Variants in PCDH9 observed in about 807,000 individuals in gnomAD.
PCDH9 encodes the protein protocadherin-9.
In PCDH9, 24 loss-of-function variants were observed where a neutral mutation model predicts 70.6. That is an observed-to-expected ratio of 0.34 (90% CI 0.25 to 0.48). PCDH9 has a LOEUF of 0.48. Among genes scored for constraint, PCDH9 ranks in the 20% least tolerant of loss-of-function variants. The pLI is 0.99. For synonymous variants in PCDH9, 562 were observed against 558.5 expected (o/e 1.01, Z -0.09); for missense variants, 1,281 against 1,503.6 (o/e 0.85, Z 2.45).
chr13:66,817,343 A>C, intron 3 of PCDH9, among the ~76,000 whole-genome samples: 1 of 152,086 alleles, frequency 6.6e-6, no homozygotes, highest in East Asian at 1.9e-4. Flanking sequence ...TTTATTTAGA[A>C]ATTTTAATTT....
chr13:66,889,725 A>T (rs1050288686), intron 3 of PCDH9, among the ~76,000 whole-genome samples: 8 of 152,186 alleles, frequency 5.3e-5, no homozygotes, highest in African/African-American at 1.9e-4. Flanking sequence ...AGCAGTATAG[A>T]GCCAAAATAC....
At chr13:66,939,696 G>C (rs1407038592) in intron 2 of PCDH9, among the ~76,000 whole-genome samples, 2 of 152,014 alleles carry the variant, frequency 1.3e-5, no homozygotes, top group Admixed American at 1.3e-4. Flanking sequence ...GGAATTACAG[G>C]CATGAGTCAC....
chr13:66,750,471 G>A (rs1158011414), intron 3 of PCDH9, among the ~76,000 whole-genome samples: 1 of 151,946 alleles, frequency 6.6e-6, no homozygotes, highest in African/African-American at 2.4e-5. Flanking sequence ...CCTAAAATGT[G>A]AAGTGAAACT....
At position 66,421,334 on chromosome 13, in the gene PCDH9, A is replaced by G. The variant is rs574161563; in HGVS notation, c.3341-116306T>C. ...TTCAGGAAATACAGAGAACATCACA[A>G]AGATACTTCTCGAGAAGAGCAACCG... On this transcript the variant is annotated intron_variant, in intron 4 of 4. Coordinates refer to ENST00000377865, the MANE Select transcript of PCDH9 (RefSeq NM_203487.3). Among the ~76,000 whole-genome samples, 21 of 152,252 alleles carry G rather than the reference A, an allele frequency of 1.4e-4. No homozygotes were observed. In the East Asian group the frequency reaches 3.3e-3, roughly 24 times the overall value.
chr13:67,050,380 G>A (rs1209351664), intron 2 of PCDH9, among the ~76,000 whole-genome samples: 2 of 151,970 alleles, frequency 1.3e-5, no homozygotes, highest in Non-Finnish European at 2.9e-5. Flanking sequence ...TACCATATTG[G>A]TATTTTAGTT....
chr13:66,338,532 A>G (rs1956074275), intron 4 of PCDH9, among the ~76,000 whole-genome samples: 1 of 152,088 alleles, frequency 6.6e-6, no homozygotes, highest in Non-Finnish European at 1.5e-5. Flanking sequence ...TATAAATTTA[A>G]TTAACAGTAT....
chr13:66,738,529 C>T (rs373510919), intron 3 of PCDH9, among the ~76,000 whole-genome samples: 83 of 136,216 alleles, frequency 6.1e-4, no homozygotes, highest in Admixed American at 1.5e-3. Flanking sequence ...AGGCTTCAGA[C>T]GATCAAATTA....
Position 66,791,278 on chromosome 13 carries a change from T to G in PCDH9, c.3138+112226A>C, listed in dbSNP as rs1353140345. Among the ~76,000 whole-genome samples, 3 of 152,246 alleles carry G rather than the reference T, an allele frequency of 2.0e-5. No homozygotes were observed. The East Asian group carries it at 5.8e-4, about 29-fold the overall frequency. On this transcript the variant is annotated intron_variant, in intron 3 of 4. Transcript: ENST00000377865. ...TTTAATGTTTGACAATTATTAGATATTTGAACTTATGATGAAATTTTCAAT... is the reference window on the plus strand; with the variant it reads ...TTTAATGTTTGACAATTATTAGATAGTTGAACTTATGATGAAATTTTCAAT...
chr13:66,759,586 C>T (rs2079590326), intron 3 of PCDH9, among the ~76,000 whole-genome samples: 2 of 151,248 alleles, frequency 1.3e-5, no homozygotes, highest in Non-Finnish European at 3.0e-5. Context: ...TTTCTTTCTT[C>T]CTCATTTAGT....
At chr13:66,612,218 T>A in intron 4 of PCDH9, among the ~76,000 whole-genome samples, 1 of 152,202 alleles carries the variant, frequency 6.6e-6, no homozygotes. Flanking sequence ...TCTTAAAATG[T>A]GATGTGCCAA....
At chr13:67,043,747 G>C (rs1339442471) in intron 2 of PCDH9, among the ~76,000 whole-genome samples, 1 of 152,118 alleles carries the variant, frequency 6.6e-6, no homozygotes, top group Non-Finnish European at 1.5e-5. Flanking sequence ...GGCCAGCCGA[G>C]CTCTGTAGTG....
intron 3 of PCDH9, among the ~76,000 whole-genome samples, chr13:66,687,816 A>C (rs4884686): frequency 0.32 from 48,691 of 151,822 alleles, 8,536 homozygotes; most frequent in East Asian, 0.51. Flanking sequence ...CCCTTTTGTA[A>C]CTTTCATTTT....
chr13:66,984,357 A>G (rs2083845090), intron 2 of PCDH9, among the ~76,000 whole-genome samples: 2 of 152,176 alleles, frequency 1.3e-5, no homozygotes, highest in South Asian at 2.1e-4. Context: ...AGATAGCTAT[A>G]GTCTACATTT....
At chr13:67,014,998 C>G (rs939541173) in intron 2 of PCDH9, among the ~76,000 whole-genome samples, 1 of 152,090 alleles carries the variant, frequency 6.6e-6, no homozygotes, top group Non-Finnish European at 1.5e-5. Context: ...TTCCAAAGAT[C>G]AATTCCAAAA....
intron 3 of PCDH9, among the ~76,000 whole-genome samples, chr13:66,744,071 T>G (rs112181978): frequency 8.5e-5 from 13 of 152,158 alleles, no homozygotes; most frequent in African/African-American, 2.9e-4. Flanking sequence ...ATTATTCATG[T>G]GCTATTTAAA....
chr13:66,537,902 T>C (rs559948546), intron 4 of PCDH9, among the ~76,000 whole-genome samples: 2 of 152,234 alleles, frequency 1.3e-5, no homozygotes, highest in South Asian at 4.2e-4. Flanking sequence ...AAATGGACTC[T>C]CCAAGTAATT....
chr13:66,605,283 G>A (rs2077209629), intron 4 of PCDH9, among the ~76,000 whole-genome samples: 1 of 152,040 alleles, frequency 6.6e-6, no homozygotes, highest in Admixed American at 6.6e-5. Context: ...TAAACTCATT[G>A]GATTTGTGGA....
At chr13:66,478,344 G>A (rs9571587) in intron 4 of PCDH9, among the ~76,000 whole-genome samples, 76,823 of 151,950 alleles carry the variant, frequency 0.51, 19,894 homozygotes, top group East Asian at 0.66. Flanking sequence ...GTAAGCCTAC[G>A]ATGGCCTCTA....
intron 2 of PCDH9, among the ~76,000 whole-genome samples, chr13:67,064,167 C>T (rs541152979): frequency 5.3e-5 from 8 of 152,172 alleles, no homozygotes; most frequent in African/African-American, 1.9e-4. Flanking sequence ...TATTAGAAAA[C>T]AGTAGACTGG....
Sources: allele counts gnomAD v4.1 joint callset (sites outside exome capture counted in the v4.1 genomes callset), GRCh38; gene constraint gnomAD v4.1.1; transcripts MANE v1.5; gene names NCBI Gene and HGNC (gene_info 2026-07-23, HGNC 2026-07-21).